Variants in TMC1 observed in about 807,000 individuals in gnomAD.
The protein encoded by TMC1 is transmembrane channel-like protein 1.
A neutral mutation model predicts 105.8 loss-of-function variants in TMC1; 84 were observed. The observed-to-expected ratio is 0.79, with a 90% CI of 0.67 to 0.95. The LOEUF (loss-of-function observed/expected upper bound fraction) is 0.95. Ranked by LOEUF, TMC1 falls within the 40% of genes least tolerant of loss-of-function variation. The pLI is 0.00. For synonymous variants in TMC1, 315 were observed against 311.5 expected, an observed-to-expected ratio of 1.01 and a Z score of -0.12; for missense variants, 817 against 914.1, an observed-to-expected ratio of 0.89 and a Z score of 1.37.
chr9:72,612,328 G>A (rs1024623562), intron 2 of TMC1, among the ~76,000 whole-genome samples: 2 of 151,984 alleles, frequency 1.3e-5, no homozygotes, highest in African/African-American at 4.8e-5. Flanking sequence ...GCACCACCAT[G>A]CCTGGTTAAT....
intron 1 of TMC1, among the ~76,000 whole-genome samples, chr9:72,555,452 G>T (rs148806124): frequency 0.011 from 1,676 of 152,228 alleles, 18 homozygotes; most frequent in Non-Finnish European, 0.016. Context: ...CTCCCAAAGT[G>T]CTGGGATTAC....
chr9:72,581,994 G>T (rs540947157), intron 2 of TMC1, among the ~76,000 whole-genome samples: 1 of 152,224 alleles, frequency 6.6e-6, no homozygotes, highest in Non-Finnish European at 1.5e-5. Flanking sequence ...TTTCGCTCTT[G>T]TTGCTCAGGA....
At chr9:72,545,713 C>G (rs935268710) in intron 1 of TMC1, among the ~76,000 whole-genome samples, 27 of 152,022 alleles carry the variant, frequency 1.8e-4, no homozygotes, top group Non-Finnish European at 3.8e-4. Context: ...GTCTCGAATG[C>G]CTGACCTCAA....
intron 1 of TMC1, among the ~76,000 whole-genome samples, chr9:72,540,263 C>G (rs922875910): frequency 2.0e-5 from 3 of 152,148 alleles, no homozygotes; most frequent in Non-Finnish European, 4.4e-5. Context: ...AATATTTGTT[C>G]TTTATCCCAG....
intron 2 of TMC1, among the ~76,000 whole-genome samples, chr9:72,593,334 T>G (rs978469522): frequency 6.6e-6 from 1 of 151,134 alleles, no homozygotes; most frequent in African/African-American, 2.4e-5. Flanking sequence ...AAGCCAGGAG[T>G]TTAAGAATAG....
chr9:72,672,641 C>G (rs986165790), intron 5 of TMC1, among the ~76,000 whole-genome samples: 4 of 151,864 alleles, frequency 2.6e-5, no homozygotes, highest in African/African-American at 7.3e-5. Context: ...GATTTCAGGA[C>G]CTTTTTCTGA....
chr9:72,800,734 T>TTTTTTTTTTTTTTTTTTTTTTGAGA (rs1828455985), intron 17 of TMC1, among the ~76,000 whole-genome samples: 1 of 151,188 alleles, frequency 6.6e-6, no homozygotes, highest in Non-Finnish European at 1.5e-5. Context: ...CCCTTATCTT[T>TTTTTTTTTTTTTTTTTTTTTTGAGA]CACCTTCCTT....
chr9:72,586,615 TG>T (rs954764958), intron 2 of TMC1, among the ~76,000 whole-genome samples: 7 of 152,182 alleles, frequency 4.6e-5, no homozygotes, highest in Non-Finnish European at 8.8e-5. Context: ...TCTCTGTAGT[TG>T]GGTACCGTTG....
intron 10 of TMC1, among the ~76,000 whole-genome samples, chr9:72,746,811 G>C (rs1827496480): frequency 6.6e-6 from 1 of 152,168 alleles, no homozygotes; most frequent in Admixed American, 6.5e-5. Flanking sequence ...AGAGGATACT[G>C]TGACGTTATG....
At position 72,521,874 on chromosome 9, in the gene TMC1, G is replaced by C. The variant is rs1823318383; in HGVS notation, c.-467G>C. ...CCCTCCAGGAGTTGCTGAAATTTAG[G>C]AATCATTGCCCCAAAAAGTGGCCCT... On this transcript the variant is annotated 5_prime_UTR_variant, in exon 1 of 24. Transcript: ENST00000297784. 6.6e-6 allele frequency: 1 copy of C among 152,154 alleles called. No homozygotes were observed. The highest frequency in any genetic ancestry group is 2.1e-4 in the South Asian group (1 of 4,834). 9.4% of individuals were successfully genotyped at this position (152,154 alleles called of 1,614,324 possible).
rs1044062451 is a variant in TMC1, at chr9:72,836,199, C to T, written c.*226C>T. The stretch of plus-strand genomic sequence containing the variant: ...GAAACTGTTTCTGCAGAGCCACTCT[C>T]TCCCCTGCTCCATTTCGTGACTTTT... On this transcript the variant is annotated 3_prime_UTR_variant, in exon 24 of 24. Transcript: ENST00000297784. 2 of 599,632 alleles carry T rather than the reference C, an allele frequency of 3.3e-6. No individual in the cohort carries two copies. The highest frequency in any genetic ancestry group is 1.9e-5 in the African/African-American group (1 of 53,372). The allele number at this position is 599,632 out of a possible 1,614,324, so 37.1% of individuals were successfully genotyped here.
intron 4 of TMC1, among the ~76,000 whole-genome samples, chr9:72,630,141 C>T (rs923983085): frequency 6.6e-6 from 1 of 152,196 alleles, no homozygotes; most frequent in Admixed American, 6.5e-5. Flanking sequence ...GCTGAGATTA[C>T]AGGCATGAGC....
chr9:72,700,642 A>G lies in TMC1; in HGVS notation c.361A>G (p.Lys121Glu). 6.3e-7 allele frequency: 1 copy of G among 1,588,768 alleles called. No individual in the cohort carries two copies. Among genetic ancestry groups the G allele is most frequent in the Non-Finnish European group, 8.6e-7 (1 of 1,163,688 alleles). Residue 121 changes from lysine to glutamate, a missense_variant and splice_region_variant, in exon 8 of 24, where the codon AAG (lysine) becomes GAG (glutamate). Transcript: ENST00000297784. The stretch of plus-strand genomic sequence containing the variant: ...GATGGAGAAGAAAATTGAAGTTCTC[A>G]AGTATGGTGCCACTTTTTATAAGTA... ...WKMEKKIEVL[K>E]EAKKFVSENE...
chr9:72,795,145 A>G lies in TMC1; in HGVS notation c.1566+2793A>G, dbSNP rs766908353. Among the ~76,000 whole-genome samples, 54 of 152,230 alleles carry G rather than the reference A, an allele frequency of 3.5e-4. 1 individual carries two copies. Among genetic ancestry groups the G allele is most frequent in the East Asian group, 1.9e-4 (1 of 5,198 alleles). ...ATGGGATTATGTAAATGCCAAAGCT[A>G]TGAATCACTGGCATCCCTGAAAGGG... On this transcript the variant is annotated intron_variant, in intron 17 of 23. Coordinates refer to ENST00000297784, the MANE Select transcript of TMC1 (RefSeq NM_138691.3).
At chr9:72,742,563 T>C (rs1338526147) in intron 10 of TMC1, 38 bp downstream of exon 10, 3 of 1,539,068 alleles carry the variant, frequency 1.9e-6, no homozygotes, top group Non-Finnish European at 2.7e-6. Flanking sequence ...GAAGGTTGTC[T>C]TAGAGAAGTA....
intron 8 of TMC1, among the ~76,000 whole-genome samples, chr9:72,731,902 T>C (rs1016130568): frequency 2.6e-5 from 4 of 152,356 alleles, no homozygotes; most frequent in Non-Finnish European, 5.9e-5. Flanking sequence ...TTTTAGCATT[T>C]ATGTTTACTT....
intron 23 of TMC1, among the ~76,000 whole-genome samples, chr9:72,831,249 A>G (rs1488459882): frequency 6.6e-6 from 1 of 152,220 alleles, no homozygotes. Context: ...TAAGACCTTT[A>G]GTGAAAATCT....
At chr9:72,591,864 C>T (rs562726369) in intron 2 of TMC1, among the ~76,000 whole-genome samples, 58 of 152,218 alleles carry the variant, frequency 3.8e-4, no homozygotes, top group Non-Finnish European at 6.2e-4. Flanking sequence ...CACCTTGGCA[C>T]GGAAACCTTG....
chr9:72,582,242 C>CA (rs1824487664), intron 2 of TMC1, among the ~76,000 whole-genome samples: 1 of 152,208 alleles, frequency 6.6e-6, no homozygotes, highest in South Asian at 2.1e-4. Context: ...CAGGCGTGAG[C>CA]CACTGTGCTC....
Sources: allele counts gnomAD v4.1 joint callset (sites outside exome capture counted in the v4.1 genomes callset), GRCh38; gene constraint gnomAD v4.1.1; transcripts MANE v1.5; gene names NCBI Gene and HGNC (gene_info 2026-07-23, HGNC 2026-07-21).